The following BCAS3 variants were observed in gnomAD, a reference collection of about 807,000 sequenced individuals.
The protein encoded by BCAS3 is BCAS3 microtubule associated cell migration factor.
A neutral mutation model predicts 116.1 loss-of-function variants in BCAS3; 53 were observed. The ratio of observed to expected loss-of-function variants is 0.46; its 90% CI spans 0.37 to 0.57. The LOEUF (loss-of-function observed/expected upper bound fraction) is 0.57, where lower values mean the gene tolerates loss of function less well. BCAS3 is among the 20% of genes least tolerant of loss of function. The pLI is 0.00. For missense variants in BCAS3, 917 were observed against 1,165.4 expected (o/e 0.79, Z 3.10); for synonymous variants, 391 against 408.2 (o/e 0.96, Z 0.51).
At chr17:60,718,105 C>A (rs890876817) in intron 5 of BCAS3, among the ~76,000 whole-genome samples, 1 of 152,162 alleles carries the variant, frequency 6.6e-6, no homozygotes, top group Non-Finnish European at 1.5e-5. Flanking sequence ...GTAATGTGCG[C>A]GATGGAGAGC....
In BCAS3 at chr17:60,873,894, G is replaced by A. The variant is rs1417746544; in HGVS notation, c.585-768G>A. ...TTTTTTTTCATTTCCTTTTGAGACAGGATCTCACTATGTTGCCTAGGCTGG... is the reference window on the plus strand; with the variant it reads ...TTTTTTTTCATTTCCTTTTGAGACAAGATCTCACTATGTTGCCTAGGCTGG... On this transcript the variant is annotated intron_variant, in intron 8 of 23. Coordinates refer to ENST00000407086, the MANE Select transcript of BCAS3 (RefSeq NM_017679.5). Among the ~76,000 whole-genome samples the A allele has an allele frequency of 3.3e-5, 5 of 151,810 alleles. No individual in the cohort carries two copies. In the East Asian group the frequency reaches 9.6e-4, roughly 29 times the overall value.
In BCAS3 at chr17:61,226,716, C is replaced by A. The variant is rs1192224457; in HGVS notation, c.2426-141611C>A. Among the ~76,000 whole-genome samples the A allele has an allele frequency of 6.6e-6, 1 of 152,154 alleles. No individual in the cohort carries two copies. Among genetic ancestry groups the A allele is most frequent in the African/African-American group, 2.4e-5 (1 of 41,426 alleles). On this transcript the variant is annotated intron_variant, in intron 22 of 23. Transcript: ENST00000407086. The surrounding 1 kb of genome is among the most constrained non-coding windows in gnomAD (Gnocchi z 6.0). ...AGCTGAGAACCTTATCTCTTAGAAA[C>A]CTTTAATTGACTACCTAATATGTGC...
At chr17:60,972,545 C>T (rs1044622723) in intron 14 of BCAS3, among the ~76,000 whole-genome samples, 2 of 149,142 alleles carry the variant, frequency 1.3e-5, no homozygotes, top group African/African-American at 5.0e-5. Flanking sequence ...AACTCCTGGG[C>T]TCAAGAGATC....
At chr17:61,111,630 G>A (rs1250814757) in intron 22 of BCAS3, among the ~76,000 whole-genome samples, 1 of 148,606 alleles carries the variant, frequency 6.7e-6, no homozygotes, top group Non-Finnish European at 1.5e-5. Flanking sequence ...TGAAAGTGAT[G>A]GGGAGAATGG....
At chr17:60,773,086 A>G (rs1207207170) in intron 6 of BCAS3, among the ~76,000 whole-genome samples, 2 of 152,144 alleles carry the variant, frequency 1.3e-5, no homozygotes, top group Non-Finnish European at 2.9e-5. Flanking sequence ...ACCAGCAATG[A>G]ACAAGAGTTG....
At chr17:61,035,459 T>TGTAATCCCA (rs1483676047) in intron 17 of BCAS3, among the ~76,000 whole-genome samples, 1 of 151,626 alleles carries the variant, frequency 6.6e-6, no homozygotes. Context: ...GGTGCACGCT[T>TGTAATCCCA]GTAATCCCAG....
chr17:61,117,882 G>A (rs1300012520), intron 22 of BCAS3, among the ~76,000 whole-genome samples: 1 of 151,988 alleles, frequency 6.6e-6, no homozygotes, highest in Non-Finnish European at 1.5e-5. Context: ...ATTACCCAAA[G>A]TTTACATTTC....
chr17:60,707,302 A>G (rs749172233), intron 4 of BCAS3, among the ~76,000 whole-genome samples: 5 of 150,944 alleles, frequency 3.3e-5, no homozygotes, highest in Non-Finnish European at 7.4e-5. Context: ...CAATTTTTGT[A>G]TTTTTTGTAG....
intron 22 of BCAS3, among the ~76,000 whole-genome samples, chr17:61,330,169 GTTT>G (rs1042238528): frequency 6.6e-6 from 1 of 152,070 alleles, no homozygotes; most frequent in African/African-American, 2.4e-5. Context: ...CTAAGAGTAG[GTTT>G]TTTATTTCTT....
chr17:61,100,549 C>G (rs2074260343), intron 22 of BCAS3, among the ~76,000 whole-genome samples: 1 of 152,158 alleles, frequency 6.6e-6, no homozygotes, highest in African/African-American at 2.4e-5. Context: ...TGTGTACCAT[C>G]TGATATTAAA....
chr17:60,746,494 A>C (rs1174103522), intron 5 of BCAS3, among the ~76,000 whole-genome samples: 1 of 152,174 alleles, frequency 6.6e-6, no homozygotes, highest in African/African-American at 2.4e-5. Flanking sequence ...AATTAATAGA[A>C]TGAATGACTG....
Position 61,015,909 on chromosome 17 carries a change from C to A in BCAS3, c.1637+8C>A, listed in dbSNP as rs568674938. On this transcript the variant is annotated splice_region_variant and intron_variant, in intron 16 of 23. Transcript: ENST00000407086. ...CATCACCAAACGAACCGGGTAAGGC[C>A]TTAGACTTGATGCTTTTTTAACAGC... 1.2e-6 allele frequency: 2 copies of A among 1,610,558 alleles called. No homozygotes were observed. The highest frequency in any genetic ancestry group is 2.2e-5 in the South Asian group (2 of 90,462).
At chr17:60,705,191 A>G (rs1403819871) in intron 4 of BCAS3, among the ~76,000 whole-genome samples, 3 of 152,162 alleles carry the variant, frequency 2.0e-5, no homozygotes, top group Non-Finnish European at 4.4e-5. Flanking sequence ...GTTTTGCATG[A>G]CTTACAGGAT....
rs1001376253 is a variant in BCAS3 at position 61,315,361 on chromosome 17, C to T, written c.2426-52966C>T. On this transcript the variant is annotated intron_variant, in intron 22 of 23. Transcript: ENST00000407086. This position sits in a 1 kb window ranked among gnomAD's most constrained non-coding sequence, Gnocchi z 5.3. ...CTCAAACTCCTGACCTCAGGTGATC[C>T]GGCCGCCTCAGCCTCCCAAAGTGCT... Among the ~76,000 whole-genome samples the T allele has an allele frequency of 3.9e-5, 6 of 152,112 alleles. No homozygotes were observed. Among genetic ancestry groups the T allele is most frequent in the African/African-American group, 1.4e-4 (6 of 41,420 alleles).
intron 22 of BCAS3, among the ~76,000 whole-genome samples, chr17:61,135,263 G>A (rs1253550757): frequency 2.6e-5 from 4 of 152,136 alleles, no homozygotes; most frequent in African/African-American, 7.2e-5. Flanking sequence ...GTTAGTACTA[G>A]GGAGCAAGTT....
chr17:60,705,969 C>T (rs1055377378), intron 4 of BCAS3, among the ~76,000 whole-genome samples: 2 of 152,148 alleles, frequency 1.3e-5, no homozygotes, highest in Non-Finnish European at 2.9e-5. Flanking sequence ...CTTCCACCTC[C>T]TCCATCTCCT....
chr17:60,745,953 A>AAT (rs201317649), intron 5 of BCAS3, among the ~76,000 whole-genome samples: 6,647 of 152,182 alleles, frequency 0.044, 526 homozygotes, highest in African/African-American at 0.15. Flanking sequence ...GTTACTCTAA[A>AAT]AGAGAGCTCT....
chr17:60,759,494 A>T (rs1036381760), intron 6 of BCAS3, among the ~76,000 whole-genome samples: 1 of 152,054 alleles, frequency 6.6e-6, no homozygotes, highest in Non-Finnish European at 1.5e-5. Flanking sequence ...CTGTTACTGT[A>T]TTTCAGTTTA....
chr17:61,212,209 A>G (rs368812588), intron 22 of BCAS3, among the ~76,000 whole-genome samples: 4 of 152,332 alleles, frequency 2.6e-5, no homozygotes, highest in African/African-American at 4.8e-5. Flanking sequence ...AGGATATCCT[A>G]TTTTGAAGCT....
Sources: allele counts gnomAD v4.1 joint callset (sites outside exome capture counted in the v4.1 genomes callset), GRCh38; gene constraint gnomAD v4.1.1; non-coding constraint Gnocchi (gnomAD v3.1); transcripts MANE v1.5; gene names NCBI Gene and HGNC (gene_info 2026-07-23, HGNC 2026-07-21).